The following SCIN variants were observed in gnomAD, a reference collection of about 807,000 sequenced individuals.
SCIN encodes the protein scinderin.
In SCIN, 91 loss-of-function variants were observed where a neutral mutation model predicts 91.8. The observed-to-expected ratio is 0.99, with a 90% CI of 0.84 to 1.18. The LOEUF (loss-of-function observed/expected upper bound fraction) is 1.18. Ranked by LOEUF, SCIN falls within the 50% of genes most tolerant of loss-of-function variation. The pLI, the probability that SCIN is intolerant of heterozygous loss-of-function variation, is 0.00. For missense variants in SCIN, 1,087 were observed against 863.9 expected (o/e 1.26, Z -3.24); for synonymous variants, 367 against 312.6 (o/e 1.17, Z -1.84).
intron 9 of SCIN, among the ~76,000 whole-genome samples, chr7:12,630,617 C>G (rs1474364224): frequency 6.6e-6 from 1 of 152,232 alleles, no homozygotes; most frequent in Non-Finnish European, 1.5e-5. Context: ...CTATTTAGCT[C>G]TGCGATTAAC....
At position 12,578,358 on chromosome 7, in the gene SCIN, G is replaced by A. The variant is rs532852998; in HGVS notation, c.354+140G>A. On this transcript the variant is annotated intron_variant, in intron 2 of 15. Transcript: ENST00000297029. ...TTTGTTTTAATCTGTTTTGTTCATG[G>A]ATATATCCCCAGTACCTGCTGGATA... 7.7e-5 allele frequency: 52 copies of A among 679,406 alleles called. No individual in the cohort carries two copies. In the African/African-American group the frequency reaches 9.2e-4, roughly 12 times the overall value. The allele number at this position is 679,406 out of a possible 1,614,324, so 42.1% of individuals were successfully genotyped here.
At chr7:12,605,075 G>A (rs1040129988) in intron 4 of SCIN, among the ~76,000 whole-genome samples, 3 of 151,776 alleles carry the variant, frequency 2.0e-5, no homozygotes, top group Admixed American at 6.6e-5. Context: ...TTTTTGAGAC[G>A]GAGTCTTGCT....
rs1783834903 is a variant in SCIN, at chr7:12,640,434, A to G, written c.1498A>G (p.Lys500Glu). Residue 500 changes from lysine to glutamate, a missense_variant, in exon 11 of 16, where the codon AAG becomes GAG. By Grantham distance (56) the Lys-to-Glu change is moderately conservative. Coordinates refer to ENST00000297029, the MANE Select transcript of SCIN (RefSeq NM_001112706.3). ...PLIIYKNGTS[K>E]KGGQAPAPPT... The stretch of plus-strand genomic sequence containing the variant: ...CATTATTTACAAGAATGGAACATCA[A>G]AGAAAGGAGGTCAGGCACCTGCTCC... The G allele has an allele frequency of 1.9e-6, 3 of 1,613,476 alleles. No homozygotes were observed. Among genetic ancestry groups the G allele is most frequent in the Non-Finnish European group, 2.5e-6 (3 of 1,179,688 alleles).
In SCIN at chr7:12,654,792, C is replaced by A. The variant is rs1180787671; in HGVS notation, c.*2077C>A. 6.6e-6 allele frequency: 1 copy of A among 152,018 alleles called. No homozygotes were observed. Among genetic ancestry groups the A allele is most frequent in the African/African-American group, 2.4e-5 (1 of 41,386 alleles). 9.4% of individuals were successfully genotyped at this position (152,018 alleles called of 1,614,324 possible). A position where few individuals can be genotyped will look rare whatever the true frequency, so the allele number is the denominator to read the frequency against. On this transcript the variant is annotated 3_prime_UTR_variant, in exon 16 of 16. Transcript: ENST00000297029. Reference sequence around the variant, plus strand: ...TGAATGGCAATATCAAAAATGAGATCAGCAGCAAGATGATAAGGCAGAATA... The same window carrying A: ...TGAATGGCAATATCAAAAATGAGATAAGCAGCAAGATGATAAGGCAGAATA...
chr7:12,622,550 G>T (rs1783430481), intron 4 of SCIN, among the ~76,000 whole-genome samples: 1 of 151,986 alleles, frequency 6.6e-6, no homozygotes, highest in Non-Finnish European at 1.5e-5. Context: ...TCAAATTAGG[G>T]ATTTTCCTTT....
Position 12,657,317 on chromosome 7 carries a change from A to C in SCIN, c.*4602A>C, listed in dbSNP as rs1043693073. 1.4e-5 allele frequency: 2 copies of C among 144,730 alleles called. No homozygotes were observed. The highest frequency in any genetic ancestry group is 5.1e-5 in the African/African-American group (2 of 39,592). The allele number at this position is 144,730 out of a possible 1,614,324, so 9.0% of individuals were successfully genotyped here. A position where few individuals can be genotyped will look rare whatever the true frequency, so the allele number is the denominator to read the frequency against. ...CTGCAATCTCTGCCTCCTGGGTTCA[A>C]GCAATCCTCCCACCTCAGTCTCCCC... On this transcript the variant is annotated 3_prime_UTR_variant, in exon 16 of 16. Transcript: ENST00000297029.
At position 12,656,176 on chromosome 7, in the gene SCIN, AATG is replaced by A. The variant is rs1362731745; in HGVS notation, c.*3464_*3466del. ...TTTGAACAATGTTTTGGCCTCCAGT[AATG>A]ATTAGGAACACACTATAAACATAAA... On this transcript the variant is annotated 3_prime_UTR_variant, in exon 16 of 16. Transcript: ENST00000297029. The A allele has an allele frequency of 2.0e-5, 3 of 152,166 alleles. No individual in the cohort carries two copies. Among genetic ancestry groups the A allele is most frequent in the Non-Finnish European group, 4.4e-5 (3 of 68,038 alleles). The allele number at this position is 152,166 out of a possible 1,614,324, so 9.4% of individuals were successfully genotyped here.
At chr7:12,606,014 C>G (rs1011784464) in intron 4 of SCIN, among the ~76,000 whole-genome samples, 1 of 152,026 alleles carries the variant, frequency 6.6e-6, no homozygotes, top group Non-Finnish European at 1.5e-5. Context: ...TGTATATATT[C>G]CCTTAAATAA....
intron 4 of SCIN, among the ~76,000 whole-genome samples, chr7:12,616,787 A>G (rs186929292): frequency 6.6e-6 from 1 of 152,288 alleles, no homozygotes; most frequent in Non-Finnish European, 1.5e-5. Context: ...TCGTTTTATA[A>G]TCAAGGACTA....
intron 1 of SCIN, 54 bp downstream of exon 1, chr7:12,571,039 G>C: frequency 6.7e-7 from 1 of 1,503,384 alleles, no homozygotes; most frequent in Non-Finnish European, 8.9e-7. Context: ...CGAGGGGAGG[G>C]CGTAGGGGTC....
intron 4 of SCIN, among the ~76,000 whole-genome samples, chr7:12,614,851 A>G (rs1221023002): frequency 1.3e-5 from 2 of 152,210 alleles, no homozygotes; most frequent in African/African-American, 4.8e-5. Flanking sequence ...TGGCCAAATA[A>G]TGCCACCATG....
intron 3 of SCIN, among the ~76,000 whole-genome samples, chr7:12,584,486 T>A (rs1782548885): frequency 6.6e-6 from 1 of 152,236 alleles, no homozygotes; most frequent in African/African-American, 2.4e-5. Flanking sequence ...ATATTGTCCT[T>A]TTATTGAATT....
chr7:12,590,956 T>A (rs542847488), intron 3 of SCIN, among the ~76,000 whole-genome samples: 2 of 152,146 alleles, frequency 1.3e-5, no homozygotes, highest in African/African-American at 4.8e-5. Flanking sequence ...GTGAGAGCTA[T>A]GAGTTCTGCT....
chr7:12,580,562 C>T (rs1304080075), intron 2 of SCIN, among the ~76,000 whole-genome samples: 4 of 152,098 alleles, frequency 2.6e-5, no homozygotes, highest in South Asian at 2.1e-4. Context: ...AAGATCAACC[C>T]ATTCCTGGCC....
At chr7:12,611,949 G>A (rs1450087643) in intron 4 of SCIN, among the ~76,000 whole-genome samples, 1 of 151,714 alleles carries the variant, frequency 6.6e-6, no homozygotes, top group Non-Finnish European at 1.5e-5. Context: ...AAAAGATTAA[G>A]GTTGCTTTAT....
Position 12,652,732 on chromosome 7 carries a change from A to G in SCIN, c.*17A>G. 6.2e-7 allele frequency: 1 copy of G among 1,600,614 alleles called. No homozygotes were observed. The highest frequency in any genetic ancestry group is 8.5e-7 in the Non-Finnish European group (1 of 1,176,208). Reference sequence around the variant, plus strand: ...AAGTGGTAAATTGGTATTTGTAAAAAGCAAACAAACATTACAAGGCAGTTA... The same window carrying G: ...AAGTGGTAAATTGGTATTTGTAAAAGGCAAACAAACATTACAAGGCAGTTA... On this transcript the variant is annotated 3_prime_UTR_variant, in exon 16 of 16. Coordinates refer to ENST00000297029, the MANE Select transcript of SCIN (RefSeq NM_001112706.3).
In SCIN at chr7:12,651,263, T is replaced by G. The variant is rs932049183; in HGVS notation, c.1960-578T>G. On this transcript the variant is annotated intron_variant, in intron 14 of 15. Coordinates refer to ENST00000297029, the MANE Select transcript of SCIN (RefSeq NM_001112706.3). The surrounding 1 kb of genome is among the most constrained non-coding windows in gnomAD (Gnocchi z 5.9). ...CACATAAAGTATAGATGGTAAATGT[T>G]TCTTTCAGACCTTTAAGAGTGTGAT... Among the ~76,000 whole-genome samples the G allele has an allele frequency of 7.2e-5, 11 of 152,140 alleles. No homozygotes were observed. Among genetic ancestry groups the G allele is most frequent in the Non-Finnish European group, 1.3e-4 (9 of 68,012 alleles).
At chr7:12,572,643 T>C (rs548115550) in intron 1 of SCIN, among the ~76,000 whole-genome samples, 1 of 152,348 alleles carries the variant, frequency 6.6e-6, no homozygotes, top group East Asian at 1.9e-4. Context: ...TCTTAACTAC[T>C]ATATTTTGTA....
intron 11 of SCIN, among the ~76,000 whole-genome samples, chr7:12,643,578 C>T (rs1352840827): frequency 1.3e-5 from 2 of 152,172 alleles, no homozygotes; most frequent in Non-Finnish European, 2.9e-5. Context: ...ATTCCTTCCA[C>T]CTCTAGTGTT....
Sources: allele counts gnomAD v4.1 joint callset (sites outside exome capture counted in the v4.1 genomes callset), GRCh38; gene constraint gnomAD v4.1.1; non-coding constraint Gnocchi (gnomAD v3.1); transcripts MANE v1.5; gene names NCBI Gene and HGNC (gene_info 2026-07-23, HGNC 2026-07-21).